The following KAZN variants were observed in gnomAD, a reference collection of about 807,000 sequenced individuals.
KAZN encodes the protein kazrin.
A neutral mutation model predicts 87.4 loss-of-function variants in KAZN; 40 were observed. That is an observed-to-expected ratio of 0.46 (90% CI 0.36 to 0.60). KAZN has a LOEUF of 0.60. KAZN is among the 20% of genes least tolerant of loss of function. The probability of loss-of-function intolerance (pLI) is 0.00; values close to 1 mark genes in which losing one functional copy is unlikely to be tolerated. For synonymous variants in KAZN, 466 were observed against 458.3 expected, an observed-to-expected ratio of 1.02 and a Z score of -0.22; for missense variants, 898 against 1,073.9, an observed-to-expected ratio of 0.84 and a Z score of 2.29.
intron 1 of KAZN, among the ~76,000 whole-genome samples, chr1:13,919,163 C>A (rs1639970008): frequency 6.6e-6 from 1 of 152,222 alleles, no homozygotes; most frequent in African/African-American, 2.4e-5. Flanking sequence ...ACACAAAGTG[C>A]ACTGCACTTA....
chr1:14,690,426 G>C (rs1641218801), intron 1 of KAZN, among the ~76,000 whole-genome samples: 1 of 152,194 alleles, frequency 6.6e-6, no homozygotes, highest in Non-Finnish European at 1.5e-5. Flanking sequence ...TGCAGACCGA[G>C]CTGGGCGTTC....
chr1:14,208,514 T>C (rs1646788974), intron 2 of KAZN, among the ~76,000 whole-genome samples: 1 of 152,232 alleles, frequency 6.6e-6, no homozygotes, highest in African/African-American at 2.4e-5. Context: ...AAGCCGGTAG[T>C]CTCTACTCTC....
intron 2 of KAZN, among the ~76,000 whole-genome samples, chr1:14,453,338 A>G (rs1385735228): frequency 6.6e-6 from 1 of 152,210 alleles, no homozygotes; most frequent in Non-Finnish European, 1.5e-5. Context: ...CTCTATTATA[A>G]GAGATTTTTT....
chr1:14,094,422 G>T (rs950050031), intron 1 of KAZN, among the ~76,000 whole-genome samples: 2 of 152,124 alleles, frequency 1.3e-5, no homozygotes, highest in African/African-American at 4.8e-5. Context: ...TTTTTCACTA[G>T]TGTGTTATTA....
At chr1:14,995,628 A>T (rs55787452) in intron 2 of KAZN, among the ~76,000 whole-genome samples, 17,210 of 97,166 alleles carry the variant, frequency 0.18, 1,254 homozygotes, top group South Asian at 0.28. Flanking sequence ...CACCTCAAAT[A>T]AAAAAAAAAA....
intron 2 of KAZN, among the ~76,000 whole-genome samples, chr1:14,200,422 A>G (rs1312754912): frequency 1.3e-5 from 2 of 152,198 alleles, no homozygotes; most frequent in African/African-American, 4.8e-5. Context: ...AGGGGAAAAC[A>G]CTTCCCCATA....
Position 13,935,900 on chromosome 1 carries a change from G to GTGTGTGTGTGTA in KAZN, c.91+42145_91+42146insGTGTGTGTGTAT, listed in dbSNP as rs60444554. 9.3e-4 allele frequency among the ~76,000 whole-genome samples: 132 copies of GTGTGTGTGTGTA among 141,486 alleles called. 6 individuals carry two copies. The Middle Eastern group carries it at 0.011, about 12-fold the overall frequency. 92.8% of individuals were successfully genotyped at this position (141,486 alleles called of 152,430 possible). A position where few individuals can be genotyped will look rare whatever the true frequency, so the allele number is the denominator to read the frequency against. The stretch of plus-strand genomic sequence containing the variant: ...TGTGTGTGTGTGTGTGTGTGTGTGT[G>GTGTGTGTGTGTA]TAGAATCAGATAAATTATTTAATAT... On this transcript the variant is annotated intron_variant, in intron 1 of 16. Transcript: ENST00000636203.
At chr1:14,474,850 G>A (rs929051563) in intron 2 of KAZN, among the ~76,000 whole-genome samples, 8 of 152,128 alleles carry the variant, frequency 5.3e-5, no homozygotes, top group Non-Finnish European at 1.0e-4. Flanking sequence ...TAATAGTGAG[G>A]CATCACCAAC....
At chr1:14,041,583 C>T (rs956442960) in intron 1 of KAZN, among the ~76,000 whole-genome samples, 1 of 152,146 alleles carries the variant, frequency 6.6e-6, no homozygotes, top group Non-Finnish European at 1.5e-5. Flanking sequence ...CCCTTATGCT[C>T]CCTTTTGGCT....
At position 14,260,762 on chromosome 1, in the gene KAZN, G is replaced by C. The variant is rs1021288365; in HGVS notation, c.249+80170G>C. Among the ~76,000 whole-genome samples the C allele has an allele frequency of 2.0e-5, 3 of 152,098 alleles. No homozygotes were observed. In the East Asian group the frequency reaches 5.8e-4, roughly 29 times the overall value. ...CTGTTTCTGCACTATGTATATAGTCGCTAATTTAACCCTCACCACACACTT... is the reference window on the plus strand; with the variant it reads ...CTGTTTCTGCACTATGTATATAGTCCCTAATTTAACCCTCACCACACACTT... On this transcript the variant is annotated intron_variant, in intron 2 of 16. Coordinates refer to the KAZN transcript ENST00000636203.
rs540057070 is a variant in KAZN, at chr1:14,710,032, G to A, written c.226+110809G>A. On this transcript the variant is annotated intron_variant, in intron 1 of 14. Transcript: ENST00000376030. ...TGTCATACGCCGTCACATAATTCCC[G>A]TCCACTGATGTATGCCACACCCCAG... Among the ~76,000 whole-genome samples the A allele has an allele frequency of 1.3e-4, 20 of 152,206 alleles. No homozygotes were observed. In the East Asian group the frequency reaches 1.9e-3, roughly 15 times the overall value.
At chr1:14,369,678 G>A (rs1421437946) in intron 2 of KAZN, among the ~76,000 whole-genome samples, 1 of 152,172 alleles carries the variant, frequency 6.6e-6, no homozygotes, top group Admixed American at 6.5e-5. Flanking sequence ...AAGGTATTTA[G>A]CAAAGAGGAA....
chr1:15,095,470 C>G (rs980062415), intron 10 of KAZN, among the ~76,000 whole-genome samples: 1 of 152,082 alleles, frequency 6.6e-6, no homozygotes, highest in African/African-American at 2.4e-5. Flanking sequence ...CAGGTGTACC[C>G]CCGCAGGCCA....
At chr1:14,901,881 A>C (rs1655967519) in intron 1 of KAZN, among the ~76,000 whole-genome samples, 1 of 152,190 alleles carries the variant, frequency 6.6e-6, no homozygotes, top group Non-Finnish European at 1.5e-5. Context: ...ATTTGGGGAA[A>C]TATACATGAA....
Position 14,026,560 on chromosome 1 carries a change from A to G in KAZN, c.91+132804A>G, listed in dbSNP as rs149369042. On this transcript the variant is annotated intron_variant, in intron 1 of 16. Coordinates refer to the KAZN transcript ENST00000636203. ...TCTAGATATAAAGAAGCTTGATTTA[A>G]AAATAATTTGTCGAGTGCCAGCCAT... Among the ~76,000 whole-genome samples the G allele has an allele frequency of 2.6e-3, 402 of 152,320 alleles. 1 individual carries two copies. The highest frequency in any genetic ancestry group is 9.0e-3 in the African/African-American group (376 of 41,560).
chr1:14,708,365 C>A (rs1642319097), intron 1 of KAZN, among the ~76,000 whole-genome samples: 1 of 152,248 alleles, frequency 6.6e-6, no homozygotes, highest in Non-Finnish European at 1.5e-5. Flanking sequence ...ATTTCACAAT[C>A]TCAGATGCTA....
intron 1 of KAZN, among the ~76,000 whole-genome samples, chr1:14,092,647 G>A (rs58163983): frequency 0.037 from 5,575 of 149,172 alleles, 358 homozygotes; most frequent in African/African-American, 0.13. Flanking sequence ...ACACACACAC[G>A]CACTGGTACC....
At chr1:14,936,514 A>G (rs1314358276) in intron 1 of KAZN, among the ~76,000 whole-genome samples, 1 of 152,080 alleles carries the variant, frequency 6.6e-6, no homozygotes, top group Non-Finnish European at 1.5e-5. Context: ...GCCCTGCTCC[A>G]CTGTGCCAGC....
intron 1 of KAZN, among the ~76,000 whole-genome samples, chr1:13,991,643 G>C (rs561369634): frequency 7.2e-4 from 109 of 152,134 alleles, no homozygotes; most frequent in South Asian, 1.9e-3. Context: ...AAACCATTAT[G>C]TTTAACTACT....
Sources: allele counts gnomAD v4.1 joint callset (sites outside exome capture counted in the v4.1 genomes callset), GRCh38; gene constraint gnomAD v4.1.1; transcripts MANE v1.5; gene names NCBI Gene and HGNC (gene_info 2026-07-23, HGNC 2026-07-21).